The following STX1A variants were observed in gnomAD, a reference collection of about 807,000 sequenced individuals.
The protein encoded by STX1A is syntaxin 1A.
A neutral mutation model predicts 37.8 loss-of-function variants in STX1A; 4 were observed. That is an observed-to-expected ratio of 0.11 (90% CI 0.05 to 0.24). The LOEUF is 0.24. Among genes scored for constraint, STX1A ranks in the 10% least tolerant of loss-of-function variants. The pLI is 1.00. For missense variants in STX1A, 251 were observed against 399.9 expected, an observed-to-expected ratio of 0.63 and a Z score of 3.18; for synonymous variants, 135 against 147.4, an observed-to-expected ratio of 0.92 and a Z score of 0.61.
Position 73,700,509 on chromosome 7 carries a change from G to T in STX1A, c.790-25C>A. 6.2e-7 allele frequency: 1 copy of T among 1,612,902 alleles called. No individual in the cohort carries two copies. The highest frequency in any genetic ancestry group is 1.3e-5 in the African/African-American group (1 of 74,954). On this transcript the variant is annotated intron_variant, in intron 9 of 9. Transcript: ENST00000222812. This position sits in a 1 kb window ranked among gnomAD's most constrained non-coding sequence, Gnocchi z 4.4. ...TCTGCATGGGAAGCGGGCAGGAGAG[G>T]CCTCAGACAGTGTTGGCGGCAGGTG... is the stretch of plus-strand genomic sequence containing the variant.
At position 73,703,833 on chromosome 7, in the gene STX1A, AAGCGAGTGGGGTCACACTG is replaced by A; in HGVS notation, c.467-24_467-6del. 6.2e-7 allele frequency: 1 copy of A among 1,613,102 alleles called. No homozygotes were observed. The highest frequency in any genetic ancestry group is 8.5e-7 in the Non-Finnish European group (1 of 1,179,604). ...CACTGGTCGTGGTCCTGCCGGCTGC[AAGCGAGTGGGGTCACACTG>A]AGCCCAGCCCTCTTCGGGGAGTTCA... On this transcript the variant is annotated splice_region_variant and splice_polypyrimidine_tract_variant and intron_variant, in intron 6 of 9. Transcript: ENST00000222812.
chr7:73,701,079 C>T, intron 8 of STX1A: 3 of 710,210 alleles, frequency 4.2e-6, no homozygotes, highest in Admixed American at 2.9e-5. Flanking sequence ...GTGGAGCTGG[C>T]CATGCAGTCT....
chr7:73,710,060 G>T (rs1799043012), intron 1 of STX1A, among the ~76,000 whole-genome samples: 1 of 152,098 alleles, frequency 6.6e-6, no homozygotes. Flanking sequence ...TTGGACCTCG[G>T]TCTGCCTCCT....
rs1048666440 is a variant in STX1A, at chr7:73,709,919, C to T, written c.31-797G>A. 3.3e-5 allele frequency among the ~76,000 whole-genome samples: 5 copies of T among 151,818 alleles called. No individual in the cohort carries two copies. Among genetic ancestry groups the T allele is most frequent in the African/African-American group, 7.3e-5 (3 of 41,312 alleles). On this transcript the variant is annotated intron_variant, in intron 1 of 9. Coordinates refer to ENST00000222812, the MANE Select transcript of STX1A (RefSeq NM_004603.4). The surrounding 1 kb of genome is among the most constrained non-coding windows in gnomAD (Gnocchi z 4.2). ...AATTTAATTTTTATTTTTGTAGAGA[C>T]GGGGGTCTCACTGTGTTACCCAGGC...
intron 1 of STX1A, among the ~76,000 whole-genome samples, chr7:73,710,699 A>C (rs1434390094): frequency 6.6e-6 from 1 of 152,234 alleles, no homozygotes; most frequent in Non-Finnish European, 1.5e-5. Flanking sequence ...TACTGGGATT[A>C]CAGGCGTGAA....
At chr7:73,715,316 G>A (rs1799252950) in intron 1 of STX1A, among the ~76,000 whole-genome samples, 1 of 152,018 alleles carries the variant, frequency 6.6e-6, no homozygotes, top group African/African-American at 2.4e-5. Context: ...CAGCTACTCA[G>A]GAGGCTGAGG....
chr7:73,719,662 A>T lies in STX1A; in HGVS notation c.-31T>A. On this transcript the variant is annotated 5_prime_UTR_variant, in exon 1 of 10. Coordinates refer to ENST00000222812, the MANE Select transcript of STX1A (RefSeq NM_004603.4). ...CGGGAGTGGCAGCGGCGCCGGCTGC[A>T]GCCGTGTGAGCCCCGCATGCGCGAC... is the stretch of plus-strand genomic sequence containing the variant. 1 of 1,171,826 alleles carries T rather than the reference A, an allele frequency of 8.5e-7. No individual in the cohort carries two copies. The highest frequency in any genetic ancestry group is 4.2e-5 in the South Asian group (1 of 23,778). The allele number at this position is 1,171,826 out of a possible 1,614,324, so 72.6% of individuals were successfully genotyped here.
chr7:73,718,769 G>A (rs1486983483), intron 1 of STX1A, among the ~76,000 whole-genome samples: 1 of 152,058 alleles, frequency 6.6e-6, no homozygotes, highest in Non-Finnish European at 1.5e-5. Context: ...GAGAAGGTGG[G>A]CTCTGACTCA....
In STX1A at chr7:73,717,129, C is replaced by T. The variant is rs1270235826; in HGVS notation, c.30+2473G>A. On this transcript the variant is annotated intron_variant, in intron 1 of 9. Transcript: ENST00000222812. The surrounding 1 kb of genome is among the most constrained non-coding windows in gnomAD (Gnocchi z 4.1). ...GCGCCAGCTCCTTCCCCAAGTGTGACTTTTATAAATAAGCTCTCTTCGCCT... is the reference window on the plus strand; with the variant it reads ...GCGCCAGCTCCTTCCCCAAGTGTGATTTTTATAAATAAGCTCTCTTCGCCT... 8.9e-5 allele frequency among the ~76,000 whole-genome samples: 13 copies of T among 145,660 alleles called. No individual in the cohort carries two copies. The highest frequency in any genetic ancestry group is 4.3e-4 in the Admixed American group (6 of 13,804).
At chr7:73,719,506 G>A (rs897656224) in intron 1 of STX1A, 96 bp downstream of exon 1, 2 of 1,120,848 alleles carry the variant, frequency 1.8e-6, no homozygotes, top group Non-Finnish European at 2.2e-6. Flanking sequence ...GCGCAGGAGC[G>A]GCCACCATCC....
chr7:73,707,924 GACTCCGTCTTGAAAA>G (rs568106577), intron 3 of STX1A, among the ~76,000 whole-genome samples: 185 of 140,408 alleles, frequency 1.3e-3, no homozygotes, highest in African/African-American at 4.3e-3. Context: ...GACAGAGCAA[GACTCCGTCTTGAAAA>G]AAAAAAAAAG....
chr7:73,700,692 T>G lies in STX1A; in HGVS notation c.789+38A>C, dbSNP rs1798619281. ...GGGATGGTTGGGGGTCCCTAATGGG[T>G]GCTGGGGCATGGCCTTGGGCAGGGC... On this transcript the variant is annotated intron_variant, in intron 9 of 9. Transcript: ENST00000222812. This position sits in a 1 kb window ranked among gnomAD's most constrained non-coding sequence, Gnocchi z 4.4. 1 of 1,610,908 alleles carries G rather than the reference T, an allele frequency of 6.2e-7. No homozygotes were observed. Among genetic ancestry groups the G allele is most frequent in the African/African-American group, 1.3e-5 (1 of 74,530 alleles).
Position 73,708,635 on chromosome 7 carries a change from C to T in STX1A, c.162G>A (p.Val54=). 1 of 1,614,218 alleles carries T rather than the reference C, an allele frequency of 6.2e-7. No homozygotes were observed. The highest frequency in any genetic ancestry group is 1.1e-5 in the South Asian group (1 of 91,084). The change falls in exon 3 of 10, where the codon GTG becomes GTA. Residue 54 remains valine (V), a synonymous_variant. Coordinates refer to ENST00000222812, the MANE Select transcript of STX1A (RefSeq NM_004603.4). Reference sequence around the variant, plus strand: ...CCAGGATGGCACTGTGCTTCCGCTTCACCTCCTCCACGTTCTCTGCGATCT... The same window carrying T: ...CCAGGATGGCACTGTGCTTCCGCTTTACCTCCTCCACGTTCTCTGCGATCT... ...IDKIAENVEE[V]KRKHSAILAS...
In STX1A at chr7:73,704,438, G is replaced by A; in HGVS notation, c.284-15C>T. On this transcript the variant is annotated splice_polypyrimidine_tract_variant and intron_variant, in intron 4 of 9. Transcript: ENST00000222812. ...CTGCTCGATGCCTGGGGGCACAGGT[G>A]GCTGCTAAGTCATAACCAGGCCCCT... is the stretch of plus-strand genomic sequence containing the variant. The A allele has an allele frequency of 6.2e-7, 1 of 1,614,034 alleles. No homozygotes were observed.
At position 73,717,083 on chromosome 7, in the gene STX1A, G is replaced by A. The variant is rs1424110471; in HGVS notation, c.30+2519C>T. ...CTGGAGAAGGCTGGAGGGCTGGGCC[G>A]GGCCTGCAGAGTGAGGAAACGCGCC... On this transcript the variant is annotated intron_variant, in intron 1 of 9. Transcript: ENST00000222812. The surrounding 1 kb of genome is among the most constrained non-coding windows in gnomAD (Gnocchi z 4.1). 1.3e-5 allele frequency among the ~76,000 whole-genome samples: 2 copies of A among 152,026 alleles called. No individual in the cohort carries two copies. The highest frequency in any genetic ancestry group is 2.9e-5 in the Non-Finnish European group (2 of 68,010).
chr7:73,715,206 G>A (rs1584257595), intron 1 of STX1A, among the ~76,000 whole-genome samples: 1 of 151,522 alleles, frequency 6.6e-6, no homozygotes, highest in Admixed American at 6.6e-5. Context: ...GGCAGATCAC[G>A]AGGTCAAGAG....
intron 1 of STX1A, among the ~76,000 whole-genome samples, chr7:73,713,173 G>T (rs782618211): frequency 6.6e-6 from 1 of 152,024 alleles, no homozygotes; most frequent in East Asian, 1.9e-4. Flanking sequence ...TGGCTCTGTC[G>T]CCCCTGCACC....
rs1584238091 is a variant in STX1A at position 73,700,970 on chromosome 7, GCTT to G, written c.679-133_679-131del. ...GGGGGCGTGAGGAGGTTAGGGTACA[GCTT>G]CTCACCTGGGCCAGGTACCCTGGGT... On this transcript the variant is annotated intron_variant, in intron 8 of 9. Transcript: ENST00000222812. The surrounding 1 kb of genome is among the most constrained non-coding windows in gnomAD (Gnocchi z 4.4). 6.6e-7 allele frequency: 1 copy of G among 1,508,798 alleles called. No individual in the cohort carries two copies. Among genetic ancestry groups the G allele is most frequent in the Non-Finnish European group, 8.9e-7 (1 of 1,128,138 alleles). The allele number at this position is 1,508,798 out of a possible 1,614,324, so 93.5% of individuals were successfully genotyped here. A position where few individuals can be genotyped will look rare whatever the true frequency, so the allele number is the denominator to read the frequency against.
chr7:73,719,428 C>G (rs2116786927), intron 1 of STX1A, among the ~76,000 whole-genome samples, 174 bp downstream of exon 1: 1 of 152,256 alleles, frequency 6.6e-6, no homozygotes, highest in Admixed American at 6.5e-5. Flanking sequence ...CGAGTGGGTC[C>G]GAGGGGCGGA....
Sources: allele counts gnomAD v4.1 joint callset (sites outside exome capture counted in the v4.1 genomes callset), GRCh38; gene constraint gnomAD v4.1.1; non-coding constraint Gnocchi (gnomAD v3.1); transcripts MANE v1.5; gene names NCBI Gene and HGNC (gene_info 2026-07-23, HGNC 2026-07-21).